Variants in KCNK2 observed in about 807,000 individuals in gnomAD.
The protein encoded by KCNK2 is potassium two pore domain channel subfamily K member 2.
KCNK2 carries 21 observed loss-of-function variants against 40.5 expected under a neutral mutation model. The observed-to-expected ratio is 0.52, with a 90% CI of 0.37 to 0.75. KCNK2 has a LOEUF of 0.75. KCNK2 is among the 30% of genes least tolerant of loss of function. The pLI is 0.00. For missense variants in KCNK2, 399 were observed against 531.6 expected (o/e 0.75, Z 2.45); for synonymous variants, 191 against 202.2 (o/e 0.94, Z 0.47).
At chr1:215,053,300 G>C (rs1056971461) in intron 1 of KCNK2, among the ~76,000 whole-genome samples, 2 of 152,092 alleles carry the variant, frequency 1.3e-5, no homozygotes, top group Non-Finnish European at 2.9e-5. Flanking sequence ...AGTGACTGAT[G>C]CATCTTCCCT....
At chr1:215,101,476 C>G (rs1329740264) in intron 2 of KCNK2, among the ~76,000 whole-genome samples, 1 of 151,854 alleles carries the variant, frequency 6.6e-6, no homozygotes, top group Non-Finnish European at 1.5e-5. Context: ...TTGATGTGTT[C>G]TAAGACCCAT....
chr1:215,215,297 T>C (rs1380087222), intron 6 of KCNK2, among the ~76,000 whole-genome samples: 1 of 152,048 alleles, frequency 6.6e-6, no homozygotes, highest in Non-Finnish European at 1.5e-5. Flanking sequence ...CTCCTCTGCC[T>C]CTTGTCTCCT....
intron 3 of KCNK2, among the ~76,000 whole-genome samples, chr1:215,125,265 A>C (rs1444184189): frequency 6.6e-6 from 1 of 152,156 alleles, no homozygotes; most frequent in Non-Finnish European, 1.5e-5. Context: ...ATATATAAAA[A>C]TTTAACACTG....
chr1:215,010,621 T>A (rs989883689), intron 1 of KCNK2, among the ~76,000 whole-genome samples: 5 of 152,168 alleles, frequency 3.3e-5, no homozygotes, highest in African/African-American at 1.2e-4. Flanking sequence ...TTGTTTCCAT[T>A]AGGCTGCTTT....
intron 2 of KCNK2, among the ~76,000 whole-genome samples, chr1:215,123,887 G>A (rs1255335238): frequency 6.6e-6 from 1 of 152,096 alleles, no homozygotes; most frequent in Non-Finnish European, 1.5e-5. Flanking sequence ...CCCAACATGG[G>A]ATGATTGAAG....
intron 3 of KCNK2, among the ~76,000 whole-genome samples, chr1:215,154,406 T>C (rs1662818849): frequency 6.6e-6 from 1 of 151,150 alleles, no homozygotes; most frequent in African/African-American, 2.5e-5. Context: ...TTGAGAAGTG[T>C]CTTTGCCCAC....
intron 6 of KCNK2, among the ~76,000 whole-genome samples, chr1:215,204,162 C>G (rs112612308): frequency 0.046 from 6,176 of 133,348 alleles, 177 homozygotes; most frequent in Middle Eastern, 0.14. Flanking sequence ...GTCTTGCTGT[C>G]TCTATTGAGG....
intron 3 of KCNK2, among the ~76,000 whole-genome samples, chr1:215,157,740 T>G (rs1191947025): frequency 6.6e-6 from 1 of 152,204 alleles, no homozygotes; most frequent in African/African-American, 2.4e-5. Flanking sequence ...AATATTAATA[T>G]TTTAGAAAGC....
At chr1:215,222,741 T>TG (rs931149950) in intron 6 of KCNK2, among the ~76,000 whole-genome samples, 4 of 151,696 alleles carry the variant, frequency 2.6e-5, no homozygotes, top group African/African-American at 9.7e-5. Flanking sequence ...AGGCTTTTTT[T>TG]TTTTCTTTAA....
intron 1 of KCNK2, among the ~76,000 whole-genome samples, chr1:215,049,819 G>T (rs1358323750): frequency 6.6e-6 from 1 of 152,118 alleles, no homozygotes; most frequent in African/African-American, 2.4e-5. Context: ...GGCTATTTGT[G>T]TGGATTTAGT....
chr1:215,159,404 T>C (rs182391694), intron 3 of KCNK2, among the ~76,000 whole-genome samples: 239 of 152,300 alleles, frequency 1.6e-3, no homozygotes, highest in African/African-American at 5.5e-3. Flanking sequence ...CTGTGTTCCA[T>C]TGAGGAGACA....
intron 5 of KCNK2, among the ~76,000 whole-genome samples, chr1:215,176,821 T>C (rs914642523): frequency 1.6e-4 from 25 of 152,318 alleles, no homozygotes; most frequent in Non-Finnish European, 3.5e-4. Context: ...ATCTTTATAA[T>C]AGAATGATTT....
At position 215,100,571 on chromosome 1, in the gene KCNK2, A is replaced by C. The variant is rs542979265; in HGVS notation, c.357+13893A>C. Among the ~76,000 whole-genome samples the C allele has an allele frequency of 1.7e-3, 252 of 152,124 alleles. 1 individual carries two copies. Among genetic ancestry groups the C allele is most frequent in the African/African-American group, 6.0e-3 (248 of 41,548 alleles). ...GTGACTTTGCCTCTTTTAGTTAAAA[A>C]ATATTTACAATGCTAATGGCATCAC... is the stretch of plus-strand genomic sequence containing the variant. On this transcript the variant is annotated intron_variant, in intron 2 of 6. Transcript: ENST00000444842.
chr1:215,207,533 G>A (rs928443243), intron 6 of KCNK2, among the ~76,000 whole-genome samples: 1 of 152,178 alleles, frequency 6.6e-6, no homozygotes, highest in African/African-American at 2.4e-5. Context: ...CATTTGAATT[G>A]TTTCCTTATG....
At position 215,167,607 on chromosome 1, in the gene KCNK2, T is replaced by C. The variant is rs542571353; in HGVS notation, c.476-1592T>C. Among the ~76,000 whole-genome samples, 27 of 152,284 alleles carry C rather than the reference T, an allele frequency of 1.8e-4. 2 individuals carry two copies. The South Asian group carries it at 5.4e-3, about 30-fold the overall frequency. ...GGAAAGGCTTTAAGATCTTTAAAAC[T>C]TTAAAGAAGTTTAATAATTTTAAGT... On this transcript the variant is annotated intron_variant, in intron 3 of 6. Coordinates refer to ENST00000444842, the MANE Select transcript of KCNK2 (RefSeq NM_001017425.3).
chr1:215,083,197 C>CCCCCCG lies in KCNK2; in HGVS notation c.-184_-183insGCCCCC. The CCCCCCG allele has an allele frequency of 5.6e-6, 3 of 536,500 alleles. No individual in the cohort carries two copies. The highest frequency in any genetic ancestry group is 9.6e-6 in the Non-Finnish European group (3 of 311,388). The allele number at this position is 536,500 out of a possible 1,614,324, so 33.2% of individuals were successfully genotyped here. On this transcript the variant is annotated 5_prime_UTR_variant, in exon 1 of 7. Coordinates refer to ENST00000444842, the MANE Select transcript of KCNK2 (RefSeq NM_001017425.3). Reference sequence around the variant, plus strand: ...GCGATTTCGTTTCTTCTCACGCTCCCCCCCCCGCCCCCTCCCGCGTCCAGC... The same window carrying CCCCCCG: ...GCGATTTCGTTTCTTCTCACGCTCCCCCCCCGCCCCCCGCCCCCTCCCGCGTCCAGC...
intron 2 of KCNK2, among the ~76,000 whole-genome samples, chr1:215,114,944 G>A (rs533466078): frequency 1.3e-4 from 19 of 151,870 alleles, no homozygotes; most frequent in African/African-American, 4.3e-4. Flanking sequence ...TTGGGTTGTA[G>A]GAAGTTTGAT....
upstream of KCNK2, among the ~76,000 whole-genome samples, chr1:215,080,831 C>G (rs1004350900): frequency 6.6e-6 from 1 of 152,168 alleles, no homozygotes; most frequent in Non-Finnish European, 1.5e-5. Flanking sequence ...GTCAACTTGA[C>G]TAGGCTACAG....
intron 1 of KCNK2, among the ~76,000 whole-genome samples, chr1:215,055,818 C>T (rs1024642207): frequency 3.3e-5 from 5 of 152,142 alleles, no homozygotes; most frequent in Non-Finnish European, 5.9e-5. Context: ...AACCAATGAA[C>T]GTGGAAATTT....
Sources: allele counts gnomAD v4.1 joint callset (sites outside exome capture counted in the v4.1 genomes callset), GRCh38; gene constraint gnomAD v4.1.1; transcripts MANE v1.5; gene names NCBI Gene and HGNC (gene_info 2026-07-23, HGNC 2026-07-21).